Variants in EZH1 observed in about 807,000 individuals in gnomAD.
EZH1 encodes the protein enhancer of zeste 1 polycomb repressive complex 2 subunit, also known as histone-lysine N-methyltransferase EZH1.
EZH1 carries 33 observed loss-of-function variants against 100.5 expected under a neutral mutation model. The ratio of observed to expected loss-of-function variants is 0.33; its 90% CI spans 0.25 to 0.44. The LOEUF is 0.44. EZH1 is among the 20% of genes least tolerant of loss of function. The probability of loss-of-function intolerance (pLI) is 1.00; values close to 1 mark genes in which losing one functional copy is unlikely to be tolerated. For missense variants in EZH1, 475 were observed against 928.4 expected, an observed-to-expected ratio of 0.51 and a Z score of 6.35; for synonymous variants, 272 against 313.8, an observed-to-expected ratio of 0.87 and a Z score of 1.41.
chr17:42,727,534 T>C, intron 4 of EZH1, 101 bp downstream of exon 4: 1 of 1,398,618 alleles, frequency 7.1e-7, no homozygotes, highest in Non-Finnish European at 9.7e-7. Context: ...TGAGCCACCA[T>C]ACCTTGTCTT....
chr17:42,728,949 T>TA lies in EZH1; in HGVS notation c.-9dup, dbSNP rs1435782056. On this transcript the variant is annotated 5_prime_UTR_variant, in exon 3 of 21. Transcript: ENST00000428826. ...GGGATTTGGTATTTCCATCTTGCTG[T>TA]AATCTAAGAGAGACAGAGATGAGAA... 1.2e-6 allele frequency: 2 copies of TA among 1,610,422 alleles called. No homozygotes were observed. The highest frequency in any genetic ancestry group is 1.3e-5 in the African/African-American group (1 of 74,474).
chr17:42,703,469 C>A, intron 19 of EZH1: 1 of 432,558 alleles, frequency 2.3e-6, no homozygotes, highest in Non-Finnish European at 4.2e-6. Flanking sequence ...TAAGCCACCA[C>A]ACCCAGCCTA....
intron 12 of EZH1, 88 bp downstream of exon 12, chr17:42,712,201 G>A: frequency 7.1e-7 from 1 of 1,399,206 alleles, no homozygotes. Context: ...TCCAGACCCA[G>A]ACACACAGCC....
At chr17:42,731,428 T>C (rs1267121721) in intron 1 of EZH1, among the ~76,000 whole-genome samples, 1 of 152,100 alleles carries the variant, frequency 6.6e-6, no homozygotes, top group Non-Finnish European at 1.5e-5. Context: ...CATAATGCTT[T>C]TCTGAACCAA....
intron 1 of EZH1, among the ~76,000 whole-genome samples, chr17:42,743,252 C>T (rs1423730261): frequency 6.7e-6 from 1 of 149,890 alleles, no homozygotes; most frequent in African/African-American, 2.5e-5. Flanking sequence ...CTCACTGCAA[C>T]CTCCACCTCC....
At chr17:42,724,260 C>G (rs201858422) in intron 5 of EZH1, 45 bp downstream of exon 5, 2 of 1,608,462 alleles carry the variant, frequency 1.2e-6, no homozygotes, top group Non-Finnish European at 1.7e-6. Flanking sequence ...CAACATAACA[C>G]AATCATACAG....
At chr17:42,705,875 GT>G in intron 16 of EZH1, 131 bp downstream of exon 16, 4 of 976,238 alleles carry the variant, frequency 4.1e-6, no homozygotes, top group Non-Finnish European at 5.7e-6. Flanking sequence ...CAGTAAATAT[GT>G]GTCTTTTAGG....
intron 7 of EZH1, 106 bp downstream of exon 7, chr17:42,720,167 A>T: frequency 8.2e-7 from 1 of 1,218,066 alleles, no homozygotes; most frequent in Non-Finnish European, 1.1e-6. Context: ...AAGTGAACCA[A>T]CAAGAAGCAC....
intron 10 of EZH1, chr17:42,714,350 C>A: frequency 3.6e-6 from 1 of 274,938 alleles, no homozygotes; most frequent in Non-Finnish European, 7.4e-6. Flanking sequence ...TAGCTTTTAA[C>A]AAAACTAGGC....
intron 1 of EZH1, among the ~76,000 whole-genome samples, chr17:42,734,768 C>A (rs757811813): frequency 3.3e-5 from 5 of 151,766 alleles, no homozygotes; most frequent in African/African-American, 4.8e-5. Context: ...CCAAGGTGGG[C>A]GGATCACCTG....
At chr17:42,732,685 G>A (rs1239074627) in intron 1 of EZH1, among the ~76,000 whole-genome samples, 1 of 152,102 alleles carries the variant, frequency 6.6e-6, no homozygotes, top group African/African-American at 2.4e-5. Flanking sequence ...GGAGAATGGC[G>A]TGAACCCCAG....
intron 1 of EZH1, 109 bp downstream of exon 1, chr17:42,744,885 AGGCAGTGTGTCCCTCGG>A: frequency 9.7e-7 from 1 of 1,031,794 alleles, no homozygotes; most frequent in Non-Finnish European, 1.3e-6. Flanking sequence ...CCGGCCAGGC[AGGCAGTGTGTCCCTCGG>A]ATTCCTTCCA....
At chr17:42,731,388 C>T (rs1280385583) in intron 1 of EZH1, among the ~76,000 whole-genome samples, 1 of 152,106 alleles carries the variant, frequency 6.6e-6, no homozygotes, top group African/African-American at 2.4e-5. Flanking sequence ...ACTGGGATTA[C>T]AGGTGCAGGT....
At chr17:42,704,942 G>A (rs2053321951) in intron 17 of EZH1, 146 bp downstream of exon 17, 8 of 700,626 alleles carry the variant, frequency 1.1e-5, no homozygotes, top group Admixed American at 5.4e-5. Context: ...TACTGCAAAC[G>A]GTTCTGTGGG....
Position 42,712,204 on chromosome 17 carries a change from A to G in EZH1, c.1401+85T>C, listed in dbSNP as rs1597831655. On this transcript the variant is annotated intron_variant, in intron 12 of 20. Coordinates refer to ENST00000428826, the MANE Select transcript of EZH1 (RefSeq NM_001991.5). The stretch of plus-strand genomic sequence containing the variant: ...AGACAACTTCTCTCCAGACCCAGAC[A>G]CACAGCCTGGTAAGATGGCAAAGGG... 2.8e-6 allele frequency: 4 copies of G among 1,414,212 alleles called. No individual in the cohort carries two copies. In the East Asian group the frequency reaches 9.2e-5, roughly 32 times the overall value. The allele number at this position is 1,414,212 out of a possible 1,614,324, so 87.6% of individuals were successfully genotyped here.
rs746224632 is a variant in EZH1 at position 42,701,876 on chromosome 17, CCT to C, written c.*654_*655del. 1 of 152,364 alleles carries C rather than the reference CCT, an allele frequency of 6.6e-6. No individual in the cohort carries two copies. The highest frequency in any genetic ancestry group is 1.5e-5 in the Non-Finnish European group (1 of 68,080). 9.4% of individuals were successfully genotyped at this position (152,364 alleles called of 1,614,324 possible). On this transcript the variant is annotated 3_prime_UTR_variant, in exon 21 of 21. Coordinates refer to ENST00000428826, the MANE Select transcript of EZH1 (RefSeq NM_001991.5). ...AACTACTATCATCTGGCTGGTTCTC[CCT>C]CTCTGGCTAAGGAAGGATGGCGTAG...
chr17:42,709,623 G>A, intron 13 of EZH1: 1 of 483,638 alleles, frequency 2.1e-6, no homozygotes, highest in Non-Finnish European at 3.7e-6. Flanking sequence ...AAAACAGACA[G>A]TTATGGTCCA....
In EZH1 at chr17:42,723,523, T is replaced by TA. The variant is rs560587686; in HGVS notation, c.367-609dup. 3.2e-4 allele frequency among the ~76,000 whole-genome samples: 48 copies of TA among 151,616 alleles called. No homozygotes were observed. The East Asian group carries it at 8.3e-3, about 26-fold the overall frequency. On this transcript the variant is annotated intron_variant, in intron 5 of 20. Transcript: ENST00000428826. ...AAGATGGACTAAGATTCTCCAATAA[T>TA]AAAAAAAAATTATGATTACAACTCA...
rs1404567408 is a variant in EZH1, at chr17:42,745,028, G to C, written c.-120C>G. ...TCACTCACCCTCCATCCCGAGCCGCGGGTCCCGCTGCTAGGACGCATGCGC... is the reference window on the plus strand; with the variant it reads ...TCACTCACCCTCCATCCCGAGCCGCCGGTCCCGCTGCTAGGACGCATGCGC... On this transcript the variant is annotated 5_prime_UTR_variant, in exon 1 of 21. Transcript: ENST00000428826. The C allele has an allele frequency of 7.9e-7, 1 of 1,260,326 alleles. No homozygotes were observed. 78.1% of individuals were successfully genotyped at this position (1,260,326 alleles called of 1,614,324 possible).
Sources: gnomAD v4.1 joint callset for allele counts (sites outside exome capture counted in the v4.1 genomes callset) on GRCh38, gnomAD v4.1.1 for gene constraint, MANE v1.5 for transcripts, NCBI Gene and HGNC (gene_info 2026-07-23, HGNC 2026-07-21) for gene names.